The following TCF12 variants were observed in gnomAD, a reference collection of about 807,000 sequenced individuals.
TCF12 encodes transcription factor 12, also known as DNA-binding protein HTF4.
Under a neutral mutation model 86.0 loss-of-function variants are expected in TCF12, and 45 were observed. The observed-to-expected ratio is 0.52, with a 90% CI of 0.41 to 0.67. The LOEUF (loss-of-function observed/expected upper bound fraction) is 0.67, where lower values mean the gene tolerates loss of function less well. Among genes scored for constraint, TCF12 ranks in the 30% least tolerant of loss-of-function variants. TCF12 has a pLI of 0.00. For synonymous variants in TCF12, 330 were observed against 299.6 expected (o/e 1.10, Z -1.05); for missense variants, 881 against 859.9 (o/e 1.02, Z -0.31).
intron 4 of TCF12, among the ~76,000 whole-genome samples, chr15:57,064,836 C>T (rs2068744569): frequency 2.1e-5 from 3 of 141,754 alleles, no homozygotes; most frequent in South Asian, 2.2e-4. Flanking sequence ...AAGACTTTTC[C>T]AAAAGGCCAT....
intron 16 of TCF12, among the ~76,000 whole-genome samples, chr15:57,258,934 T>A (rs1458610133): frequency 6.6e-6 from 1 of 152,176 alleles, no homozygotes. Context: ...ATCATTTTAA[T>A]CTTCCATTTG....
intron 13 of TCF12, among the ~76,000 whole-genome samples, chr15:57,249,670 C>A (rs975098991): frequency 6.6e-6 from 1 of 152,044 alleles, no homozygotes; most frequent in Non-Finnish European, 1.5e-5. Flanking sequence ...TCTAAGATAG[C>A]AAATAAATTG....
intron 3 of TCF12, among the ~76,000 whole-genome samples, chr15:56,996,765 A>G (rs1025272915): frequency 2.0e-5 from 3 of 152,174 alleles, no homozygotes; most frequent in Admixed American, 6.5e-5. Context: ...CCAAAATCTT[A>G]AGGAACTTAA....
chr15:56,962,866 TTA>T (rs1453162039), intron 3 of TCF12, among the ~76,000 whole-genome samples: 1 of 152,176 alleles, frequency 6.6e-6, no homozygotes, highest in Non-Finnish European at 1.5e-5. Context: ...AATTAGTGTG[TTA>T]TGTGTGCATT....
At chr15:57,071,346 G>C (rs1468426373) in intron 4 of TCF12, among the ~76,000 whole-genome samples, 9 of 151,858 alleles carry the variant, frequency 5.9e-5, no homozygotes, top group African/African-American at 2.2e-4. Context: ...CAGGGGTTGA[G>C]GTTGTAGTGA....
intron 8 of TCF12, among the ~76,000 whole-genome samples, chr15:57,216,061 C>T (rs914534444): frequency 3.9e-5 from 6 of 152,102 alleles, no homozygotes; most frequent in African/African-American, 9.7e-5. Flanking sequence ...AGGCAAAGCA[C>T]GTTATGGCTT....
At chr15:57,130,724 AATT>A (rs1372405923) in intron 5 of TCF12, among the ~76,000 whole-genome samples, 1 of 152,154 alleles carries the variant, frequency 6.6e-6, no homozygotes, top group Non-Finnish European at 1.5e-5. Context: ...GTCTATTTTT[AATT>A]ATTAATATTA....
At chr15:57,147,529 C>A (rs546362032) in intron 5 of TCF12, among the ~76,000 whole-genome samples, 1 of 140,364 alleles carries the variant, frequency 7.1e-6, no homozygotes, top group South Asian at 2.2e-4. Flanking sequence ...TAAACTCTTA[C>A]CATAAAAGCA....
intron 13 of TCF12, among the ~76,000 whole-genome samples, chr15:57,249,133 A>G (rs1191246925): frequency 6.6e-6 from 1 of 152,218 alleles, no homozygotes; most frequent in Non-Finnish European, 1.5e-5. Flanking sequence ...TGGTCACCTA[A>G]AATTCATAAT....
At chr15:57,133,679 C>T (rs2052316168) in intron 5 of TCF12, among the ~76,000 whole-genome samples, 1 of 150,690 alleles carries the variant, frequency 6.6e-6, no homozygotes, top group Admixed American at 6.6e-5. Flanking sequence ...ATAGTTACAG[C>T]AAACAGTTTC....
At chr15:57,066,355 A>T (rs958562782) in intron 4 of TCF12, among the ~76,000 whole-genome samples, 2 of 152,134 alleles carry the variant, frequency 1.3e-5, no homozygotes, top group Admixed American at 6.5e-5. Context: ...GAGGTTCTTA[A>T]ATTCAAAAAT....
chr15:57,075,809 TCTCTCTC>T (rs1567370761), intron 4 of TCF12, among the ~76,000 whole-genome samples: 5 of 81,634 alleles, frequency 6.1e-5, no homozygotes, highest in African/African-American at 2.7e-4. Flanking sequence ...TTTCTTTCTC[TCTCTCTC>T]TCTCTCTCTC....
At chr15:57,083,001 C>T (rs1228512446) in intron 4 of TCF12, among the ~76,000 whole-genome samples, 5 of 151,886 alleles carry the variant, frequency 3.3e-5, no homozygotes, top group African/African-American at 4.8e-5. Flanking sequence ...CAGTGCTACA[C>T]GTTGTCAGCA....
At chr15:57,190,677 G>C (rs767117900) in intron 6 of TCF12, among the ~76,000 whole-genome samples, 3 of 152,048 alleles carry the variant, frequency 2.0e-5, no homozygotes, top group Non-Finnish European at 4.4e-5. Context: ...TTTTGTGAGA[G>C]GGTTACTGCA....
chr15:56,976,979 A>G (rs1487856761), intron 3 of TCF12, among the ~76,000 whole-genome samples: 1 of 152,170 alleles, frequency 6.6e-6, no homozygotes, highest in Admixed American at 6.5e-5. Flanking sequence ...CACTAGCCAC[A>G]TTTCAAGTGC....
At chr15:57,276,944 A>G (rs530429245) in intron 19 of TCF12, among the ~76,000 whole-genome samples, 4 of 151,796 alleles carry the variant, frequency 2.6e-5, no homozygotes, top group Admixed American at 6.6e-5. Context: ...AGCTGGGATT[A>G]CAGGCACGCA....
In TCF12 at chr15:57,197,951, C is replaced by G. The variant is rs1176003278; in HGVS notation, c.579+126C>G. 4 of 899,974 alleles carry G rather than the reference C, an allele frequency of 4.4e-6. No homozygotes were observed. The East Asian group carries it at 1.0e-4, about 23-fold the overall frequency. 55.7% of individuals were successfully genotyped at this position (899,974 alleles called of 1,614,324 possible). On this transcript the variant is annotated intron_variant, in intron 8 of 20. Transcript: ENST00000333725. The stretch of plus-strand genomic sequence containing the variant: ...TACTTTACATAGTAATTGTTCAGTG[C>G]TTAACAAAATCATTGATTGAGGTAA...
chr15:57,090,910 A>G (rs1287672804), intron 4 of TCF12, among the ~76,000 whole-genome samples: 1 of 152,220 alleles, frequency 6.6e-6, no homozygotes. Flanking sequence ...AGAGTGCGTA[A>G]AAGTCTGAGA....
chr15:57,081,309 A>G (rs1237170648), intron 4 of TCF12, among the ~76,000 whole-genome samples: 3 of 152,174 alleles, frequency 2.0e-5, no homozygotes, highest in African/African-American at 7.2e-5. Flanking sequence ...GCAGCATTTC[A>G]TGGTGGGCTC....
Sources: gnomAD v4.1 joint callset for allele counts (sites outside exome capture counted in the v4.1 genomes callset) on GRCh38, gnomAD v4.1.1 for gene constraint, MANE v1.5 for transcripts, NCBI Gene and HGNC (gene_info 2026-07-23, HGNC 2026-07-21) for gene names.